The following SLC41A2 variants were observed in gnomAD, a reference collection of about 807,000 sequenced individuals.
SLC41A2 encodes SLC41A1-like 1.
A neutral mutation model predicts 58.3 loss-of-function variants in SLC41A2; 32 were observed. The observed-to-expected ratio is 0.55, with a 90% CI of 0.41 to 0.74. The LOEUF (loss-of-function observed/expected upper bound fraction) is 0.74. Ranked by LOEUF, SLC41A2 falls within the 30% of genes least tolerant of loss-of-function variation. The pLI is 0.00. For missense variants in SLC41A2, 514 were observed against 680.6 expected (o/e 0.76, Z 2.72); for synonymous variants, 190 against 235.0 (o/e 0.81, Z 1.75).
chr12:104,947,200 T>TG lies in SLC41A2; in HGVS notation c.-168+10887_-168+10888insC, dbSNP rs1171150136. On this transcript the variant is annotated intron_variant, in intron 1 of 10. Coordinates refer to ENST00000258538, the MANE Select transcript of SLC41A2 (RefSeq NM_001352171.3). The stretch of plus-strand genomic sequence containing the variant: ...TTCTGGCTTTTATTTTTGTCCTTTT[T>TG]TTTTTTTTTTTTTTTTTTTTTGAGA... Among the ~76,000 whole-genome samples the TG allele has an allele frequency of 9.9e-5, 13 of 131,886 alleles. 1 individual carries two copies. The highest frequency in any genetic ancestry group is 4.0e-4 in the African/African-American group (13 of 32,296). The allele number at this position is 131,886 out of a possible 152,430, so 86.5% of individuals were successfully genotyped here.
chr12:104,924,502 T>C (rs367564150), intron 2 of SLC41A2, among the ~76,000 whole-genome samples: 1 of 152,198 alleles, frequency 6.6e-6, no homozygotes, highest in African/African-American at 2.4e-5. Context: ...CCCAGCACTT[T>C]GGGAGGCTGA....
intron 3 of SLC41A2, among the ~76,000 whole-genome samples, chr12:104,898,825 G>A (rs937971309): frequency 6.6e-6 from 1 of 152,080 alleles, no homozygotes; most frequent in Non-Finnish European, 1.5e-5. Context: ...GGTCAAAGAC[G>A]TTAACAGACA....
At chr12:104,956,544 T>C (rs568431764) in intron 1 of SLC41A2, among the ~76,000 whole-genome samples, 1 of 152,228 alleles carries the variant, frequency 6.6e-6, no homozygotes, top group Admixed American at 6.5e-5. Context: ...CCGGGCATAG[T>C]GGTGTGTGCC....
At position 104,928,679 on chromosome 12, in the gene SLC41A2, C is replaced by A; in HGVS notation, c.-152G>T. ...ACTAATAAAAGATGTTCAGAAGTTC[C>A]ACAGAAGGACTGGATCTGGAAAAAT... is the stretch of plus-strand genomic sequence containing the variant. On this transcript the variant is annotated 5_prime_UTR_variant, in exon 2 of 11. Transcript: ENST00000258538. 2.2e-6 allele frequency: 1 copy of A among 451,536 alleles called. No individual in the cohort carries two copies. The highest frequency in any genetic ancestry group is 3.8e-6 in the Non-Finnish European group (1 of 260,018). 28.0% of individuals were successfully genotyped at this position (451,536 alleles called of 1,614,324 possible).
rs1487161914 is a variant in SLC41A2 at position 104,803,962 on chromosome 12, T to TATTA, written c.*1186_*1189dup. ...AGTACTACTTTTTAAAATAAGAAAT[T>TATTA]ATTAATTATTAATTAGAGTGTAGGT... On this transcript the variant is annotated 3_prime_UTR_variant, in exon 11 of 11. Transcript: ENST00000258538. The TATTA allele has an allele frequency of 2.0e-5, 3 of 151,586 alleles. No individual in the cohort carries two copies. The highest frequency in any genetic ancestry group is 1.9e-4 in the East Asian group (1 of 5,194). The allele number at this position is 151,586 out of a possible 1,614,324, so 9.4% of individuals were successfully genotyped here.
At chr12:104,956,251 T>C (rs2048163465) in intron 1 of SLC41A2, among the ~76,000 whole-genome samples, 1 of 152,234 alleles carries the variant, frequency 6.6e-6, no homozygotes, top group South Asian at 2.1e-4. Context: ...GTGGCACTTA[T>C]TCAACCTTTA....
At chr12:104,903,905 T>C (rs2045681005) in intron 3 of SLC41A2, among the ~76,000 whole-genome samples, 1 of 152,210 alleles carries the variant, frequency 6.6e-6, no homozygotes. Context: ...AATCAGCTCC[T>C]GAGACTCCTT....
chr12:104,853,930 T>TTTTTTTTATTTA (rs2136381862), intron 8 of SLC41A2, among the ~76,000 whole-genome samples: 10 of 140,200 alleles, frequency 7.1e-5, no homozygotes, highest in African/African-American at 2.6e-4. Flanking sequence ...TTTTTTTTTT[T>TTTTTTTTATTTA]TTTTTTTTTA....
chr12:104,943,622 C>T (rs1037512607), intron 1 of SLC41A2, among the ~76,000 whole-genome samples: 9 of 152,188 alleles, frequency 5.9e-5, no homozygotes, highest in African/African-American at 2.2e-4. Flanking sequence ...CTCAACTGCA[C>T]AACCCCTATT....
At chr12:104,825,191 T>G (rs1167243200) in intron 10 of SLC41A2, among the ~76,000 whole-genome samples, 1 of 152,196 alleles carries the variant, frequency 6.6e-6, no homozygotes, top group Non-Finnish European at 1.5e-5. Context: ...TAGAGGTGCA[T>G]GTATGCCTCC....
chr12:104,953,826 T>C (rs1196166189), intron 1 of SLC41A2, among the ~76,000 whole-genome samples: 3 of 152,200 alleles, frequency 2.0e-5, no homozygotes, highest in African/African-American at 4.8e-5. Flanking sequence ...ACTAGCACAC[T>C]TGAAAGCTTC....
intron 1 of SLC41A2, among the ~76,000 whole-genome samples, chr12:104,942,678 T>C (rs919443823): frequency 2.6e-5 from 4 of 152,316 alleles, no homozygotes; most frequent in Non-Finnish European, 5.9e-5. Flanking sequence ...TTTTTTACTT[T>C]AGCAGTGAGG....
At chr12:104,946,629 A>G (rs1033856597) in intron 1 of SLC41A2, among the ~76,000 whole-genome samples, 1 of 152,190 alleles carries the variant, frequency 6.6e-6, no homozygotes, top group African/African-American at 2.4e-5. Context: ...TATTATTCAC[A>G]TGGAATCTTT....
At chr12:104,937,336 T>C (rs539497118) in intron 1 of SLC41A2, among the ~76,000 whole-genome samples, 1 of 152,346 alleles carries the variant, frequency 6.6e-6, no homozygotes, top group African/African-American at 2.4e-5. Context: ...GTAAATGCCC[T>C]ATACAGGTGT....
intron 10 of SLC41A2, 122 bp downstream of exon 10, chr12:104,844,350 A>G (rs1333903369): frequency 1.8e-6 from 1 of 566,020 alleles, no homozygotes; most frequent in African/African-American, 1.9e-5. Context: ...GATCAAATCA[A>G]TATGAAGATG....
At chr12:104,829,878 A>G (rs1442912285) in intron 10 of SLC41A2, among the ~76,000 whole-genome samples, 1 of 152,238 alleles carries the variant, frequency 6.6e-6, no homozygotes, top group Non-Finnish European at 1.5e-5. Flanking sequence ...AGTATCCATA[A>G]ACAAAGTTTT....
chr12:104,956,546 G>A (rs190471427), intron 1 of SLC41A2, among the ~76,000 whole-genome samples: 39 of 152,258 alleles, frequency 2.6e-4, no homozygotes, highest in African/African-American at 6.7e-4. Context: ...GGGCATAGTG[G>A]TGTGTGCCTG....
intron 10 of SLC41A2, among the ~76,000 whole-genome samples, chr12:104,810,193 TA>T (rs562527024): frequency 2.0e-5 from 3 of 151,886 alleles, no homozygotes; most frequent in African/African-American, 4.8e-5. Context: ...AAGCAGAACT[TA>T]AAAAAAATTT....
At chr12:104,833,212 T>C (rs989810109) in intron 10 of SLC41A2, among the ~76,000 whole-genome samples, 9 of 152,214 alleles carry the variant, frequency 5.9e-5, no homozygotes, top group African/African-American at 2.2e-4. Context: ...TTTAAATTCA[T>C]TCAATCAATA....
Sources: gnomAD v4.1 joint callset for allele counts (sites outside exome capture counted in the v4.1 genomes callset) on GRCh38, gnomAD v4.1.1 for gene constraint, MANE v1.5 for transcripts, NCBI Gene and HGNC (gene_info 2026-07-23, HGNC 2026-07-21) for gene names.